The following CHD3 variants were observed in gnomAD, a reference collection of about 807,000 sequenced individuals.
CHD3 encodes the protein ATP-dependent chromatin remodeler CHD3.
A neutral mutation model predicts 248.9 loss-of-function variants in CHD3; 52 were observed. The observed-to-expected ratio is 0.21, with a 90% CI of 0.17 to 0.26. The LOEUF is 0.26. Among genes scored for constraint, CHD3 ranks in the 10% least tolerant of loss-of-function variants. The pLI is 1.00. For missense variants in CHD3, 1,482 were observed against 2,605.8 expected (o/e 0.57, Z 9.39); for synonymous variants, 985 against 985.2 (o/e 1.00, Z 0.00).
At position 7,905,409 on chromosome 17, in the gene CHD3, T is replaced by TA; in HGVS notation, c.4139-212_4139-211insA. 1 of 615,906 alleles carries TA rather than the reference T, an allele frequency of 1.6e-6. No homozygotes were observed. Among genetic ancestry groups the TA allele is most frequent in the Non-Finnish European group, 2.9e-6 (1 of 347,346 alleles). 38.2% of individuals were successfully genotyped at this position (615,906 alleles called of 1,614,324 possible). On this transcript the variant is annotated intron_variant, in intron 26 of 39. Transcript: ENST00000330494. The surrounding 1 kb of genome is among the most constrained non-coding windows in gnomAD (Gnocchi z 5.8). ...CCATTCCCACTGGTAATCTGGGCCT[T>TA]TGTCAGATATCAGCTGTTAATTTTA...
At position 7,899,779 on chromosome 17, in the gene CHD3, G is replaced by A; in HGVS notation, c.2545-117G>A. The A allele has an allele frequency of 7.5e-7, 1 of 1,328,254 alleles. No individual in the cohort carries two copies. The allele number at this position is 1,328,254 out of a possible 1,614,324, so 82.3% of individuals were successfully genotyped here. A position where few individuals can be genotyped will look rare whatever the true frequency, so the allele number is the denominator to read the frequency against. On this transcript the variant is annotated intron_variant, in intron 15 of 39. Transcript: ENST00000330494. This position sits in a 1 kb window ranked among gnomAD's most constrained non-coding sequence, Gnocchi z 6.8. The stretch of plus-strand genomic sequence containing the variant: ...GAGCCATGGTCTGTAATCCCTGCTT[G>A]GAGAACAGAGTAATGGCTCCTGTTG...
chr17:7,891,296 G>T (rs1968822162), intron 4 of CHD3, among the ~76,000 whole-genome samples: 1 of 152,200 alleles, frequency 6.6e-6, no homozygotes, highest in Non-Finnish European at 1.5e-5. Context: ...CATGATTCCA[G>T]TGCTGGGTTA....
In CHD3 at chr17:7,889,592, A is replaced by T. The variant is rs1181688035; in HGVS notation, c.101-72A>T. On this transcript the variant is annotated intron_variant, in intron 1 of 39. Coordinates refer to ENST00000330494, the MANE Select transcript of CHD3 (RefSeq NM_001005273.3). The surrounding 1 kb of genome is among the most constrained non-coding windows in gnomAD (Gnocchi z 4.5). ...AGAGTGGGAACTGCCGAGGTGGGGA[A>T]GGGGCAAGTTGAGGGGCCTCAGAGG... 9.3e-6 allele frequency: 12 copies of T among 1,295,612 alleles called. No individual in the cohort carries two copies. The East Asian group carries it at 2.5e-4, about 27-fold the overall frequency. The allele number at this position is 1,295,612 out of a possible 1,614,324, so 80.3% of individuals were successfully genotyped here.
intron 4 of CHD3, 33 bp from the exon 5 acceptor site, chr17:7,893,253 A>G (rs2151492616): frequency 6.4e-7 from 1 of 1,568,448 alleles, no homozygotes; most frequent in Non-Finnish European, 8.7e-7. Context: ...ACCATCTGTG[A>G]AGGGTCCGAG....
At position 7,894,273 on chromosome 17, in the gene CHD3, G is replaced by GT; in HGVS notation, c.1075+9dup. On this transcript the variant is annotated intron_variant, in intron 7 of 39. Transcript: ENST00000330494. ...GAAGGAAGAAGAAGAAGGGTAAGGA[G>GT]TGTTGACTGTGTGTGATCCTGTCAG... 1 of 1,613,026 alleles carries GT rather than the reference G, an allele frequency of 6.2e-7. No homozygotes were observed. The highest frequency in any genetic ancestry group is 8.5e-7 in the Non-Finnish European group (1 of 1,179,392).
chr17:7,885,546 T>C (rs1156779213), upstream of CHD3, among the ~76,000 whole-genome samples: 1 of 138,756 alleles, frequency 7.2e-6, no homozygotes, highest in Admixed American at 7.0e-5. Context: ...GACGGCGGCG[T>C]GGGGGAGGGG....
Position 7,900,791 on chromosome 17 carries a change from T to C in CHD3, c.2978+60T>C. Reference sequence around the variant, plus strand: ...TGGGGATTGATGGGAGCGTTCCAAGTGCAATATCATAATTGCTTCCTTTAT... The same window carrying C: ...TGGGGATTGATGGGAGCGTTCCAAGCGCAATATCATAATTGCTTCCTTTAT... On this transcript the variant is annotated intron_variant, in intron 18 of 39. Coordinates refer to ENST00000330494, the MANE Select transcript of CHD3 (RefSeq NM_001005273.3). The surrounding 1 kb of genome is among the most constrained non-coding windows in gnomAD (Gnocchi z 6.5). 5 of 1,610,700 alleles carry C rather than the reference T, an allele frequency of 3.1e-6. No individual in the cohort carries two copies. Among genetic ancestry groups the C allele is most frequent in the Non-Finnish European group, 4.2e-6 (5 of 1,177,356 alleles).
At chr17:7,884,893 C>G (rs1967501605), upstream of CHD3, 3 of 1,280,720 alleles carry the variant, frequency 2.3e-6, no homozygotes, top group Admixed American at 5.4e-5. Flanking sequence ...AAGAGGGCGA[C>G]GAGGAGGAGG....
At position 7,897,305 on chromosome 17, in the gene CHD3, G is replaced by A. The variant is rs373129711; in HGVS notation, c.1919+11G>A. 1.4e-5 allele frequency: 22 copies of A among 1,611,294 alleles called. No homozygotes were observed. Among genetic ancestry groups the A allele is most frequent in the African/African-American group, 5.3e-5 (4 of 74,890 alleles). ...CATCATCAACCACAGGTGAATCCTC[G>A]GTCCCTGGGAAGTCAGACCTGGTAT... On this transcript the variant is annotated intron_variant, in intron 11 of 39. Transcript: ENST00000330494. The surrounding 1 kb of genome is among the most constrained non-coding windows in gnomAD (Gnocchi z 4.8).
chr17:7,900,040 G>A lies in CHD3; in HGVS notation c.2682+7G>A, dbSNP rs1322154747. 2 of 1,598,104 alleles carry A rather than the reference G, an allele frequency of 1.3e-6. No homozygotes were observed. The highest frequency in any genetic ancestry group is 3.4e-5 in the Admixed American group (2 of 58,296). On this transcript the variant is annotated splice_region_variant and intron_variant, in intron 16 of 39. Coordinates refer to ENST00000330494, the MANE Select transcript of CHD3 (RefSeq NM_001005273.3). This position sits in a 1 kb window ranked among gnomAD's most constrained non-coding sequence, Gnocchi z 6.5. ...CAAGAACAACCAGTCCAAGGTGAGT[G>A]AGGTTTCCAGACCTAAAAAACTTGA...
Position 7,903,730 on chromosome 17 carries a change from A to G in CHD3, c.3728-95A>G, listed in dbSNP as rs73233656. The stretch of plus-strand genomic sequence containing the variant: ...GGCTCCCGGGGAAAAAGCCTTCTCT[A>G]GGGCTCCTGTGAAAAGGACGCAGAG... On this transcript the variant is annotated intron_variant, in intron 23 of 39. Coordinates refer to ENST00000330494, the MANE Select transcript of CHD3 (RefSeq NM_001005273.3). This position sits in a 1 kb window ranked among gnomAD's most constrained non-coding sequence, Gnocchi z 6.8. 4.9e-3 allele frequency: 6,666 copies of G among 1,368,832 alleles called. 285 individuals are homozygous for G. In the African/African-American group the frequency reaches 0.087, roughly 18 times the overall value. 84.8% of individuals were successfully genotyped at this position (1,368,832 alleles called of 1,614,324 possible). A position where few individuals can be genotyped will look rare whatever the true frequency, so the allele number is the denominator to read the frequency against.
chr17:7,905,422 G>A lies in CHD3; in HGVS notation c.4139-199G>A. The A allele has an allele frequency of 1.6e-6, 1 of 618,918 alleles. No individual in the cohort carries two copies. The highest frequency in any genetic ancestry group is 2.9e-6 in the Non-Finnish European group (1 of 349,966). 38.3% of individuals were successfully genotyped at this position (618,918 alleles called of 1,614,324 possible). The stretch of plus-strand genomic sequence containing the variant: ...TAATCTGGGCCTTTGTCAGATATCA[G>A]CTGTTAATTTTAAAATATGACTGGT... On this transcript the variant is annotated intron_variant, in intron 26 of 39. Coordinates refer to ENST00000330494, the MANE Select transcript of CHD3 (RefSeq NM_001005273.3). The surrounding 1 kb of genome is among the most constrained non-coding windows in gnomAD (Gnocchi z 5.8).
Position 7,891,890 on chromosome 17 carries a change from G to A in CHD3, c.509+826G>A, listed in dbSNP as rs536086329. ...AAAAAAAAAAAGAAAAAATAGTGCC[G>A]ATGTATTTTGTTTTGGGGAGAAGGC... On this transcript the variant is annotated intron_variant, in intron 4 of 39. Coordinates refer to ENST00000330494, the MANE Select transcript of CHD3 (RefSeq NM_001005273.3). Among the ~76,000 whole-genome samples the A allele has an allele frequency of 7.9e-5, 12 of 151,712 alleles. No homozygotes were observed. The Admixed American group carries it at 8.0e-4, about 10-fold the overall frequency.
rs532763641 is a variant in CHD3 at position 7,895,206 on chromosome 17, T to A, written c.1503+56T>A. 410 of 1,590,278 alleles carry A rather than the reference T, an allele frequency of 2.6e-4. 6 individuals carry two copies. The African/African-American group carries it at 5.1e-3, about 20-fold the overall frequency. On this transcript the variant is annotated intron_variant, in intron 9 of 39. Coordinates refer to ENST00000330494, the MANE Select transcript of CHD3 (RefSeq NM_001005273.3). The surrounding 1 kb of genome is among the most constrained non-coding windows in gnomAD (Gnocchi z 4.9). The stretch of plus-strand genomic sequence containing the variant: ...CTGTCAGGCCTGATCCCTTCCCCCA[T>A]CCCTGGGGCCCACATGTCCAGCTTT...
intron 21 of CHD3, 32 bp from the exon 22 acceptor site, chr17:7,902,905 A>G (rs753556725): frequency 6.8e-6 from 11 of 1,612,568 alleles, no homozygotes; most frequent in South Asian, 1.1e-5. Flanking sequence ...TACCGGGTAC[A>G]AGAAAAACCT....
At position 7,889,240 on chromosome 17, in the gene CHD3, T is replaced by C. The variant is rs878940647; in HGVS notation, c.100+140T>C. The C allele has an allele frequency of 1.1e-5, 12 of 1,063,452 alleles. No individual in the cohort carries two copies. In the South Asian group the frequency reaches 1.7e-4, roughly 15 times the overall value. The allele number at this position is 1,063,452 out of a possible 1,614,324, so 65.9% of individuals were successfully genotyped here. ...TCTGGCTTAGGGAGCTGCCAGCTTG[T>C]GTCTCCCCACTCCAAGTGCTGGGGT... On this transcript the variant is annotated intron_variant, in intron 1 of 39. Coordinates refer to ENST00000330494, the MANE Select transcript of CHD3 (RefSeq NM_001005273.3). The surrounding 1 kb of genome is among the most constrained non-coding windows in gnomAD (Gnocchi z 4.5).
chr17:7,896,170 G>A (rs1488755227), intron 10 of CHD3, among the ~76,000 whole-genome samples: 1 of 145,662 alleles, frequency 6.9e-6, no homozygotes. Flanking sequence ...GGAGCTTGCA[G>A]TGAGCCAAGA....
At chr17:7,893,740 C>A (rs916103618) in intron 5 of CHD3, 65 bp from the exon 6 acceptor site, 1 of 1,580,502 alleles carries the variant, frequency 6.3e-7, no homozygotes, top group African/African-American at 1.4e-5. Flanking sequence ...GCCCCTGTGA[C>A]CTCCATAATT....
rs973234097 is a variant in CHD3 at position 7,906,733 on chromosome 17, G to T, written c.4503+36G>T. On this transcript the variant is annotated intron_variant, in intron 29 of 39. Transcript: ENST00000330494. This position sits in a 1 kb window ranked among gnomAD's most constrained non-coding sequence, Gnocchi z 5.0. ...TCCTGTCACCCAAAGAATCAAGCTGGCTGCCTAGTCTCTGTCCTTCCTCTG... is the reference window on the plus strand; with the variant it reads ...TCCTGTCACCCAAAGAATCAAGCTGTCTGCCTAGTCTCTGTCCTTCCTCTG... The T allele has an allele frequency of 6.3e-7, 1 of 1,586,410 alleles. No homozygotes were observed. Among genetic ancestry groups the T allele is most frequent in the East Asian group, 2.2e-5 (1 of 44,624 alleles).
Sources: gnomAD v4.1 joint callset for allele counts (sites outside exome capture counted in the v4.1 genomes callset) on GRCh38, gnomAD v4.1.1 for gene constraint, Gnocchi (gnomAD v3.1) non-coding constraint, MANE v1.5 for transcripts, NCBI Gene and HGNC (gene_info 2026-07-23, HGNC 2026-07-21) for gene names.